C6: variants seen among roughly 807,000 people sequenced by gnomAD.
The protein encoded by C6 is complement C6.
C6 carries 101 observed loss-of-function variants against 112.9 expected under a neutral mutation model. That is an observed-to-expected ratio of 0.89 (90% CI 0.76 to 1.06). The LOEUF is 1.06. C6 is among the 50% of genes least tolerant of loss of function. C6 has a pLI of 0.00. For missense variants in C6, 1,202 were observed against 1,104.6 expected, an observed-to-expected ratio of 1.09 and a Z score of -1.25; for synonymous variants, 431 against 384.1, an observed-to-expected ratio of 1.12 and a Z score of -1.43.
At position 41,206,147 on chromosome 5, in the gene C6, C is replaced by T. The variant is rs185895841; in HGVS notation, c.-20-2897G>A. Among the ~76,000 whole-genome samples the T allele has an allele frequency of 3.9e-4, 60 of 152,298 alleles. 1 individual carries two copies. The highest frequency in any genetic ancestry group is 4.4e-5 in the Non-Finnish European group (3 of 68,030). On this transcript the variant is annotated intron_variant, in intron 1 of 17. Transcript: ENST00000337836. ...TCCAGCAAACTCCAACAGACCTACA[C>T]CTGAGGGTCCTGACTGTTAGAAGGA...
At chr5:41,207,792 C>T (rs1049269278) in intron 1 of C6, among the ~76,000 whole-genome samples, 2 of 152,104 alleles carry the variant, frequency 1.3e-5, no homozygotes, top group African/African-American at 4.8e-5. Flanking sequence ...GATTTTAAAA[C>T]CCCACTGTCA....
chr5:41,215,101 T>C (rs1334878767), upstream of C6, among the ~76,000 whole-genome samples: 1 of 152,158 alleles, frequency 6.6e-6, no homozygotes, highest in South Asian at 2.1e-4. Context: ...GTCCTTTTTC[T>C]AGAGCAGGGA....
Position 41,226,017 on chromosome 5 carries a change from G to A in C6, c.-20-22767C>T, listed in dbSNP as rs531630099. Among the ~76,000 whole-genome samples, 296 of 152,160 alleles carry A rather than the reference G, an allele frequency of 1.9e-3. 1 individual carries two copies. Among genetic ancestry groups the A allele is most frequent in the African/African-American group, 6.3e-3 (260 of 41,528 alleles). On this transcript the variant is annotated intron_variant, in intron 1 of 17. Transcript: ENST00000263413. The stretch of plus-strand genomic sequence containing the variant: ...AAAAACCCTAGAAGAAAACCTAGGT[G>A]ATACCATTCAGGACATAGGCATGGA...
In C6 at chr5:41,199,932, A is replaced by T; in HGVS notation, c.301-20T>A. The stretch of plus-strand genomic sequence containing the variant: ...TTTAGACTGAAAGGAAAGAAGAGAA[A>T]GATATAACTCTGAGGCAGGGTCAAG... On this transcript the variant is annotated intron_variant, in intron 3 of 17. Transcript: ENST00000337836. 1 of 1,613,182 alleles carries T rather than the reference A, an allele frequency of 6.2e-7. No individual in the cohort carries two copies. The highest frequency in any genetic ancestry group is 2.2e-5 in the East Asian group (1 of 44,798).
At chr5:41,195,424 C>T (rs1283194934) in intron 5 of C6, among the ~76,000 whole-genome samples, 1 of 152,138 alleles carries the variant, frequency 6.6e-6, no homozygotes, top group Admixed American at 6.6e-5. Flanking sequence ...AGTGGTTACT[C>T]ACCCATTCAA....
rs776095864 is a variant in C6 at position 41,161,685 on chromosome 5, A to G, written c.1458+8T>C. 9 of 1,611,254 alleles carry G rather than the reference A, an allele frequency of 5.6e-6. No homozygotes were observed. Among genetic ancestry groups the G allele is most frequent in the Non-Finnish European group, 6.8e-6 (8 of 1,177,636 alleles). On this transcript the variant is annotated splice_region_variant and intron_variant, in intron 10 of 17. Coordinates refer to ENST00000337836, the MANE Select transcript of C6 (RefSeq NM_000065.5). ...AGATCTCTTACCTGGAATAATTTTT[A>G]CTCTTACCTCAAAGTCAATCACAGC...
chr5:41,197,642 C>A (rs1039773376), intron 4 of C6, among the ~76,000 whole-genome samples: 1 of 152,026 alleles, frequency 6.6e-6, no homozygotes, highest in African/African-American at 2.4e-5. Flanking sequence ...TGTGAGAATA[C>A]AAGAAATTCT....
chr5:41,195,440 A>G (rs986669523), intron 5 of C6, among the ~76,000 whole-genome samples: 1 of 151,916 alleles, frequency 6.6e-6, no homozygotes, highest in African/African-American at 2.4e-5. Flanking sequence ...TTCAAGGCCT[A>G]CCTCCAGGAC....
At chr5:41,146,204 T>C (rs1008094915) in intron 17 of C6, among the ~76,000 whole-genome samples, 8 of 152,244 alleles carry the variant, frequency 5.3e-5, no homozygotes, top group African/African-American at 1.9e-4. Flanking sequence ...TAGATATTTC[T>C]GAAATTCAGA....
rs141212542 is a variant in C6, at chr5:41,143,320, C to T, written c.2624-314G>A. Among the ~76,000 whole-genome samples, 131 of 152,240 alleles carry T rather than the reference C, an allele frequency of 8.6e-4. 1 individual carries two copies. The East Asian group carries it at 0.023, about 27-fold the overall frequency. On this transcript the variant is annotated intron_variant, in intron 17 of 17. Transcript: ENST00000337836. ...GTTGGCCTATTTCTGGCACTTCCCC[C>T]GTCTCACTGTCCACATCCAATGAGG...
intron 1 of C6, among the ~76,000 whole-genome samples, chr5:41,245,786 C>T (rs1740987087): frequency 6.6e-6 from 1 of 151,900 alleles, no homozygotes; most frequent in Non-Finnish European, 1.5e-5. Flanking sequence ...GGAGTAAACC[C>T]AGGTTAGTTG....
intron 3 of C6, among the ~76,000 whole-genome samples, chr5:41,200,966 T>C (rs990614792): frequency 7.1e-6 from 1 of 141,624 alleles, no homozygotes; most frequent in Non-Finnish European, 1.5e-5. Context: ...TCCAAAATGC[T>C]CCAATATCTA....
At chr5:41,160,399 C>A in intron 10 of C6, 32 bp from the exon 11 acceptor site, 1 of 1,544,238 alleles carries the variant, frequency 6.5e-7, no homozygotes, top group East Asian at 2.2e-5. Flanking sequence ...GAGGTCCAGT[C>A]ACATCCCCTT....
At chr5:41,216,962 C>A (rs771929867), upstream of C6, among the ~76,000 whole-genome samples, 16 of 152,048 alleles carry the variant, frequency 1.1e-4, no homozygotes, top group Non-Finnish European at 2.4e-4. Context: ...CCATATTACC[C>A]TTTAGACTCA....
At chr5:41,175,146 C>T (rs927354233) in intron 8 of C6, among the ~76,000 whole-genome samples, 2 of 152,160 alleles carry the variant, frequency 1.3e-5, no homozygotes, top group African/African-American at 4.8e-5. Flanking sequence ...ACTGAGCATG[C>T]AGCTTTGGAG....
At chr5:41,181,296 T>C in intron 7 of C6, 63 bp downstream of exon 7, 1 of 1,417,470 alleles carries the variant, frequency 7.1e-7, no homozygotes, top group Non-Finnish European at 1.0e-6. Context: ...TCTTATTGCA[T>C]GATTACTGGA....
At chr5:41,225,329 G>C (rs958660710) in intron 1 of C6, among the ~76,000 whole-genome samples, 3 of 137,478 alleles carry the variant, frequency 2.2e-5, no homozygotes, top group Non-Finnish European at 4.7e-5. Flanking sequence ...GTTTTTTTTT[G>C]TCCTTGCGAT....
intron 1 of C6, among the ~76,000 whole-genome samples, chr5:41,259,884 G>C (rs1004001766): frequency 6.6e-6 from 1 of 152,162 alleles, no homozygotes; most frequent in Non-Finnish European, 1.5e-5. Flanking sequence ...CCTTAAACCA[G>C]AATGTCTCAC....
intron 1 of C6, among the ~76,000 whole-genome samples, chr5:41,255,483 A>G (rs745950305): frequency 2.6e-5 from 4 of 151,968 alleles, no homozygotes; most frequent in Non-Finnish European, 5.9e-5. Context: ...GGGCTTACTT[A>G]TAGGAAATAT....
Sources: gnomAD v4.1 joint callset for allele counts (sites outside exome capture counted in the v4.1 genomes callset) on GRCh38, gnomAD v4.1.1 for gene constraint, MANE v1.5 for transcripts, NCBI Gene and HGNC (gene_info 2026-07-23, HGNC 2026-07-21) for gene names.